The following EPHA3 variants were observed in gnomAD, a reference collection of about 807,000 sequenced individuals.
EPHA3 encodes the protein EPH receptor A3, also known as ephrin type-A receptor 3.
Under a neutral mutation model 107.1 loss-of-function variants are expected in EPHA3, and 42 were observed. The observed-to-expected ratio is 0.39, with a 90% CI of 0.31 to 0.51. The LOEUF (loss-of-function observed/expected upper bound fraction) is 0.51. EPHA3 is among the 20% of genes least tolerant of loss of function. EPHA3 has a pLI of 0.78. For synonymous variants in EPHA3, 461 were observed against 424.8 expected, an observed-to-expected ratio of 1.09 and a Z score of -1.05; for missense variants, 1,183 against 1,211.2, an observed-to-expected ratio of 0.98 and a Z score of 0.35.
intron 4 of EPHA3, among the ~76,000 whole-genome samples, chr3:89,341,360 G>C (rs892650330): frequency 6.6e-6 from 1 of 152,168 alleles, no homozygotes; most frequent in Non-Finnish European, 1.5e-5. Flanking sequence ...GATAGGGGAG[G>C]TTATAGACAG....
rs992731976 is a variant in EPHA3 at position 89,480,008 on chromosome 3, T to A, written c.*506T>A. The A allele has an allele frequency of 8.6e-6, 2 of 233,752 alleles. No individual in the cohort carries two copies. The highest frequency in any genetic ancestry group is 1.7e-5 in the Non-Finnish European group (2 of 118,278). The allele number at this position is 233,752 out of a possible 1,614,324, so 14.5% of individuals were successfully genotyped here. A position where few individuals can be genotyped will look rare whatever the true frequency, so the allele number is the denominator to read the frequency against. On this transcript the variant is annotated 3_prime_UTR_variant, in exon 17 of 17. Transcript: ENST00000336596. ...ATTTACTACCTTATCACTGCATTATTCTCTTTTATCTGTTTAAAGCATATA... is the reference window on the plus strand; with the variant it reads ...ATTTACTACCTTATCACTGCATTATACTCTTTTATCTGTTTAAAGCATATA...
intron 2 of EPHA3, among the ~76,000 whole-genome samples, chr3:89,150,063 C>T: frequency 6.6e-6 from 1 of 151,972 alleles, no homozygotes; most frequent in East Asian, 1.9e-4. Context: ...ACATCCATTT[C>T]CTTGTATCTC....
chr3:89,157,058 G>A (rs1323940277), intron 2 of EPHA3, among the ~76,000 whole-genome samples: 1 of 151,960 alleles, frequency 6.6e-6, no homozygotes, highest in African/African-American at 2.4e-5. Flanking sequence ...TGCAAAAGCT[G>A]AAGGAATAAA....
At chr3:89,473,806 G>A (rs1710455048) in intron 16 of EPHA3, among the ~76,000 whole-genome samples, 1 of 152,062 alleles carries the variant, frequency 6.6e-6, no homozygotes, top group Non-Finnish European at 1.5e-5. Flanking sequence ...CTTGGCTCTA[G>A]GGGCCTTTTC....
chr3:89,252,215 T>G (rs1238415250), intron 3 of EPHA3, among the ~76,000 whole-genome samples: 2 of 152,298 alleles, frequency 1.3e-5, no homozygotes, highest in East Asian at 3.9e-4. Flanking sequence ...CCAAAACCAA[T>G]GATAATTAAT....
intron 2 of EPHA3, among the ~76,000 whole-genome samples, chr3:89,157,595 T>G (rs1704834887): frequency 6.6e-6 from 1 of 151,992 alleles, no homozygotes; most frequent in South Asian, 2.1e-4. Context: ...TCCAAGCAGA[T>G]GACTGTTGTA....
At chr3:89,232,389 T>A (rs1442579342) in intron 3 of EPHA3, among the ~76,000 whole-genome samples, 1 of 151,964 alleles carries the variant, frequency 6.6e-6, no homozygotes, top group Non-Finnish European at 1.5e-5. Flanking sequence ...AAGGTGTGTC[T>A]TGTCAGGTGG....
intron 3 of EPHA3, among the ~76,000 whole-genome samples, chr3:89,299,478 C>A: frequency 1.3e-5 from 2 of 150,900 alleles, no homozygotes; most frequent in African/African-American, 2.4e-5. Context: ...ATAAAAGAAC[C>A]CAGGAAAAAG....
intron 3 of EPHA3, among the ~76,000 whole-genome samples, chr3:89,323,515 T>A (rs1680899668): frequency 6.6e-6 from 1 of 152,130 alleles, no homozygotes; most frequent in Non-Finnish European, 1.5e-5. Context: ...GGTCCAATAG[T>A]CATGACATGA....
In EPHA3 at chr3:89,429,166, G is replaced by T; in HGVS notation, c.2135G>T (p.Arg712Leu). ...MENGSLDSFL[R>L]KHDAQFTVIQ... ...AATGGTTCCTTGGATAGTTTCCTAC[G>T]TGTAAGTAAGATGCACACACATACA... Residue 712 changes from arginine to leucine, a missense_variant and splice_region_variant, in exon 12 of 17, where the codon CGT (arginine) becomes CTT (leucine). Transcript: ENST00000336596. The T allele has an allele frequency of 6.2e-7, 1 of 1,608,518 alleles. No homozygotes were observed. Among genetic ancestry groups the T allele is most frequent in the Non-Finnish European group, 8.5e-7 (1 of 1,175,874 alleles).
chr3:89,407,657 T>C (rs1709081116), intron 8 of EPHA3, among the ~76,000 whole-genome samples: 2 of 152,080 alleles, frequency 1.3e-5, no homozygotes, highest in Non-Finnish European at 2.9e-5. Flanking sequence ...TCTAATTATC[T>C]CCTCACTCTT....
At chr3:89,260,690 G>A (rs543194958) in intron 3 of EPHA3, among the ~76,000 whole-genome samples, 52 of 152,184 alleles carry the variant, frequency 3.4e-4, no homozygotes, top group African/African-American at 1.2e-3. Context: ...AAAGCTTTTA[G>A]GGTGTAAGAT....
chr3:89,405,851 G>C (rs1384100453), intron 7 of EPHA3, among the ~76,000 whole-genome samples: 2 of 152,108 alleles, frequency 1.3e-5, no homozygotes, highest in African/African-American at 4.8e-5. Flanking sequence ...TAGAGATTAG[G>C]ATGCTTATGG....
chr3:89,206,369 A>G (rs1485633562), intron 2 of EPHA3, among the ~76,000 whole-genome samples: 1 of 152,210 alleles, frequency 6.6e-6, no homozygotes, highest in African/African-American at 2.4e-5. Context: ...AATGCTGTTC[A>G]TTGCAGAATA....
At chr3:89,274,390 A>G (rs1181513802) in intron 3 of EPHA3, among the ~76,000 whole-genome samples, 3 of 151,978 alleles carry the variant, frequency 2.0e-5, no homozygotes, top group Non-Finnish European at 4.4e-5. Flanking sequence ...ACACTCAAAC[A>G]TTAACTGACT....
intron 15 of EPHA3, among the ~76,000 whole-genome samples, chr3:89,471,853 C>T (rs1710410122): frequency 6.6e-6 from 1 of 151,922 alleles, no homozygotes; most frequent in Non-Finnish European, 1.5e-5. Context: ...ATATCATGAA[C>T]TTCATTTGGT....
chr3:89,417,075 G>C (rs924125297), intron 10 of EPHA3, among the ~76,000 whole-genome samples: 32 of 151,600 alleles, frequency 2.1e-4, no homozygotes, highest in African/African-American at 7.7e-4. Context: ...AACTCAGAGA[G>C]ATAAATAGTG....
Position 89,424,630 on chromosome 3 carries a change from TTAAA to T in EPHA3, c.2075-4472_2075-4469del, listed in dbSNP as rs564958036. ...GATATTTTTGAAATCCTGTTTTTTG[TTAAA>T]TAAGCTTTTCCAATTAGGCAAGCAA... On this transcript the variant is annotated intron_variant, in intron 11 of 16. Transcript: ENST00000336596. 6.7e-4 allele frequency among the ~76,000 whole-genome samples: 101 copies of T among 151,468 alleles called. No individual in the cohort carries two copies. The South Asian group carries it at 0.02, about 30-fold the overall frequency.
intron 2 of EPHA3, among the ~76,000 whole-genome samples, chr3:89,158,970 A>G (rs1362079751): frequency 2.0e-5 from 3 of 152,146 alleles, no homozygotes; most frequent in Non-Finnish European, 4.4e-5. Context: ...TTATAGTCCT[A>G]AATAATACAT....
Sources: allele counts gnomAD v4.1 joint callset (sites outside exome capture counted in the v4.1 genomes callset), GRCh38; gene constraint gnomAD v4.1.1; transcripts MANE v1.5; gene names NCBI Gene and HGNC (gene_info 2026-07-23, HGNC 2026-07-21).